Variants in RNF180 observed in about 807,000 individuals in gnomAD.
The protein encoded by RNF180 is E3 ubiquitin-protein ligase RNF180.
Under a neutral mutation model 59.2 loss-of-function variants are expected in RNF180, and 38 were observed. The ratio of observed to expected loss-of-function variants is 0.64; its 90% CI spans 0.50 to 0.84. RNF180 has a LOEUF of 0.84. Ranked by LOEUF, RNF180 falls within the 40% of genes least tolerant of loss-of-function variation. RNF180 has a pLI of 0.00. For missense variants in RNF180, 705 were observed against 700.9 expected (o/e 1.01, Z -0.07); for synonymous variants, 262 against 240.3 (o/e 1.09, Z -0.84).
chr5:64,234,362 A>T (rs1406491741), intron 5 of RNF180, among the ~76,000 whole-genome samples: 4 of 151,834 alleles, frequency 2.6e-5, no homozygotes, highest in South Asian at 2.1e-4. Context: ...GCTACTCAGG[A>T]CGTTGAGGCA....
chr5:64,270,202 C>T (rs1048526325), intron 5 of RNF180, among the ~76,000 whole-genome samples: 4 of 150,650 alleles, frequency 2.7e-5, no homozygotes, highest in Non-Finnish European at 5.9e-5. Context: ...GAGGAGACTA[C>T]CGTAATTGAT....
chr5:64,315,886 T>C (rs1249652497), intron 5 of RNF180, among the ~76,000 whole-genome samples: 1 of 152,160 alleles, frequency 6.6e-6, no homozygotes, highest in African/African-American at 2.4e-5. Flanking sequence ...TTTTCCAGAT[T>C]GATTAAGGAT....
intron 1 of RNF180, among the ~76,000 whole-genome samples, chr5:64,190,547 A>G (rs140577091): frequency 6.6e-6 from 1 of 152,288 alleles, no homozygotes; most frequent in East Asian, 1.9e-4. Context: ...TGAAGAGGAC[A>G]TGAATTTGGG....
At chr5:64,321,734 T>C (rs1369557706) in intron 5 of RNF180, among the ~76,000 whole-genome samples, 1 of 152,194 alleles carries the variant, frequency 6.6e-6, no homozygotes, top group Non-Finnish European at 1.5e-5. Context: ...AGAAGAAGGC[T>C]GGAGGCATCA....
chr5:64,167,622 ATAAAT>A (rs1437865854), intron 1 of RNF180, among the ~76,000 whole-genome samples: 1 of 152,222 alleles, frequency 6.6e-6, no homozygotes, highest in Non-Finnish European at 1.5e-5. Context: ...CAAGAATGCA[ATAAAT>A]TAATCATTTT....
At chr5:64,285,813 A>C (rs1332865655) in intron 5 of RNF180, among the ~76,000 whole-genome samples, 1 of 152,112 alleles carries the variant, frequency 6.6e-6, no homozygotes, top group Non-Finnish European at 1.5e-5. Flanking sequence ...AGCCTTGGGG[A>C]AGGGACATCC....
intron 5 of RNF180, among the ~76,000 whole-genome samples, chr5:64,264,667 T>G (rs1208608710): frequency 6.6e-6 from 1 of 152,200 alleles, no homozygotes; most frequent in Non-Finnish European, 1.5e-5. Flanking sequence ...TCTTTGCTGT[T>G]GTAAATAGTG....
intron 1 of RNF180, among the ~76,000 whole-genome samples, chr5:64,171,907 TC>T (rs1403947024): frequency 1.3e-5 from 2 of 152,172 alleles, no homozygotes; most frequent in Non-Finnish European, 2.9e-5. Flanking sequence ...AGGGAGCATG[TC>T]TTACTGTTTC....
intron 6 of RNF180, 45 bp downstream of exon 6, chr5:64,325,456 T>C (rs1196182655): frequency 7.9e-7 from 1 of 1,266,594 alleles, no homozygotes; most frequent in Admixed American, 2.0e-5. Flanking sequence ...TTATTCTACC[T>C]CTTATAGTTC....
intron 7 of RNF180, among the ~76,000 whole-genome samples, chr5:64,347,489 T>A (rs1745601181): frequency 6.6e-6 from 1 of 152,134 alleles, no homozygotes; most frequent in Non-Finnish European, 1.5e-5. Flanking sequence ...GAAGACAAGC[T>A]TAAAAGTGTC....
chr5:64,353,800 G>A (rs1745912070), intron 7 of RNF180, among the ~76,000 whole-genome samples: 1 of 151,650 alleles, frequency 6.6e-6, no homozygotes, highest in Non-Finnish European at 1.5e-5. Context: ...AATGAAGCTA[G>A]AAATCCATAT....
intron 1 of RNF180, among the ~76,000 whole-genome samples, chr5:64,189,611 C>A (rs1751037922): frequency 6.6e-6 from 1 of 152,130 alleles, no homozygotes; most frequent in African/African-American, 2.4e-5. Flanking sequence ...GGCCCGGTTT[C>A]TCCTTACCGC....
chr5:64,311,488 G>A (rs942438341), intron 5 of RNF180, among the ~76,000 whole-genome samples: 2 of 151,802 alleles, frequency 1.3e-5, no homozygotes, highest in African/African-American at 4.8e-5. Context: ...ACTAGAGTGT[G>A]GGTCCAAAAT....
chr5:64,186,451 C>G, intron 1 of RNF180, among the ~76,000 whole-genome samples: 1 of 152,072 alleles, frequency 6.6e-6, no homozygotes, highest in East Asian at 1.9e-4. Flanking sequence ...AGGCTCAAGT[C>G]TTTATTTAGA....
intron 1 of RNF180, among the ~76,000 whole-genome samples, chr5:64,199,047 A>T (rs1751596723): frequency 6.6e-6 from 1 of 152,166 alleles, no homozygotes; most frequent in Non-Finnish European, 1.5e-5. Context: ...CGAACTCCTG[A>T]CCTCAGATGA....
At chr5:64,178,997 C>G (rs1266127671) in intron 1 of RNF180, among the ~76,000 whole-genome samples, 1 of 152,142 alleles carries the variant, frequency 6.6e-6, no homozygotes, top group Non-Finnish European at 1.5e-5. Flanking sequence ...ATGAGAACTA[C>G]TTGCCCAGGT....
chr5:64,337,241 T>C (rs1271793947), intron 7 of RNF180, among the ~76,000 whole-genome samples: 1 of 152,054 alleles, frequency 6.6e-6, no homozygotes, highest in Non-Finnish European at 1.5e-5. Context: ...AACTCCTAGC[T>C]CAAGCAATCC....
chr5:64,174,891 A>G (rs951295956), intron 1 of RNF180, among the ~76,000 whole-genome samples: 21 of 145,720 alleles, frequency 1.4e-4, no homozygotes, highest in Non-Finnish European at 2.5e-4. Flanking sequence ...GTCATAAAGC[A>G]TTTCCCTCAT....
intron 1 of RNF180, among the ~76,000 whole-genome samples, chr5:64,188,665 T>C (rs1750986937): frequency 6.6e-6 from 1 of 152,232 alleles, no homozygotes; most frequent in Non-Finnish European, 1.5e-5. Flanking sequence ...TCTTGATTTT[T>C]CTTTCTTGTT....
Sources: allele counts gnomAD v4.1 joint callset (sites outside exome capture counted in the v4.1 genomes callset), GRCh38; gene constraint gnomAD v4.1.1; transcripts MANE v1.5; gene names NCBI Gene and HGNC (gene_info 2026-07-23, HGNC 2026-07-21).